Variants in TMCO6 observed in about 807,000 individuals in gnomAD.
TMCO6 encodes the protein transmembrane and coiled-coil domain-containing protein 6.
Under a neutral mutation model 61.8 loss-of-function variants are expected in TMCO6, and 47 were observed. The ratio of observed to expected loss-of-function variants is 0.76; its 90% CI spans 0.60 to 0.97. TMCO6 has a LOEUF of 0.97. TMCO6 is among the 50% of genes least tolerant of loss of function. TMCO6 has a pLI of 0.00. For missense variants in TMCO6, 557 were observed against 601.6 expected, an observed-to-expected ratio of 0.93 and a Z score of 0.78; for synonymous variants, 261 against 254.2, an observed-to-expected ratio of 1.03 and a Z score of -0.25.
At chr5:140,607,066 C>T in the TMCO6 span, among the ~76,000 whole-genome samples, 1 of 151,534 alleles carries the variant, frequency 6.6e-6, no homozygotes, top group Non-Finnish European at 1.5e-5. Flanking sequence ...GCTATTTTGG[C>T]CATTTTTAAG....
chr5:140,639,640 T>A (rs1219807559), intron 1 of TMCO6, 28 bp downstream of exon 1: 6 of 1,537,326 alleles, frequency 3.9e-6, no homozygotes, highest in Non-Finnish European at 5.3e-6. Context: ...AGCGCGGGGG[T>A]ATATGGCGGT....
At chr5:140,603,227 T>C in the TMCO6 span, among the ~76,000 whole-genome samples, 1 of 152,192 alleles carries the variant, frequency 6.6e-6, no homozygotes, top group African/African-American at 2.4e-5. Flanking sequence ...TTGCCTATTC[T>C]GGATATATTA....
the TMCO6 span, among the ~76,000 whole-genome samples, chr5:140,603,027 CAAA>C: frequency 1.4e-5 from 2 of 142,538 alleles, no homozygotes; most frequent in Non-Finnish European, 3.1e-5. Flanking sequence ...AATTCTGTCT[CAAA>C]AAAAAAAAAG....
chr5:140,636,513 T>G (rs750735346), upstream of TMCO6, among the ~76,000 whole-genome samples: 8 of 151,156 alleles, frequency 5.3e-5, no homozygotes, highest in Admixed American at 3.9e-4. Context: ...AAAGTTTTTC[T>G]TGGGGAAATA....
the TMCO6 span, among the ~76,000 whole-genome samples, chr5:140,617,746 A>C: frequency 1.4e-4 from 11 of 76,692 alleles, no homozygotes; most frequent in Non-Finnish European, 2.6e-4. Flanking sequence ...AAAAAAAAAA[A>C]AACTCAAGGT....
chr5:140,630,316 A>C, the TMCO6 span, among the ~76,000 whole-genome samples: 1 of 149,404 alleles, frequency 6.7e-6, no homozygotes, highest in Non-Finnish European at 1.5e-5. Context: ...TTTAAAAAAA[A>C]TTTTTTTTTT....
At chr5:140,613,386 T>TAAAAAAAA in the TMCO6 span, among the ~76,000 whole-genome samples, 232 of 87,430 alleles carry the variant, frequency 2.7e-3, 16 homozygotes, top group African/African-American at 8.4e-3. Context: ...AGACTCTGAC[T>TAAAAAAAA]AAAAAAAAAA....
At chr5:140,634,482 C>CT (rs1221427030), upstream of TMCO6, among the ~76,000 whole-genome samples, 25,399 of 110,858 alleles carry the variant, frequency 0.23, 3,388 homozygotes, top group African/African-American at 0.29. Context: ...ATATGAAAGT[C>CT]TTTTTTTTTT....
intron 2 of TMCO6, among the ~76,000 whole-genome samples, chr5:140,640,171 A>AC (rs1756929282): frequency 6.6e-6 from 1 of 152,122 alleles, no homozygotes; most frequent in Non-Finnish European, 1.5e-5. Context: ...TATGCTTGTC[A>AC]CCGTCACTAC....
chr5:140,615,551 A>G, the TMCO6 span, among the ~76,000 whole-genome samples: 1 of 152,212 alleles, frequency 6.6e-6, no homozygotes, highest in African/African-American at 2.4e-5. Flanking sequence ...ACTTATCACA[A>G]AGTTGCAGTA....
chr5:140,621,463 T>C, the TMCO6 span, among the ~76,000 whole-genome samples: 1 of 152,188 alleles, frequency 6.6e-6, no homozygotes, highest in South Asian at 2.1e-4. Flanking sequence ...CCTATGCCTG[T>C]CTTTACTTTA....
the TMCO6 span, among the ~76,000 whole-genome samples, chr5:140,623,738 A>G: frequency 6.6e-6 from 1 of 152,156 alleles, no homozygotes; most frequent in Non-Finnish European, 1.5e-5. Flanking sequence ...TTGAATTTTT[A>G]TACTTAAAAC....
At chr5:140,641,311 A>C (rs1404633669) in intron 2 of TMCO6, 3 of 200,970 alleles carry the variant, frequency 1.5e-5, no homozygotes, top group Non-Finnish European at 3.1e-5. Flanking sequence ...TTGTTGTTAG[A>C]GTGTAGGTTG....
At chr5:140,644,454 AT>A in intron 10 of TMCO6, 118 bp from the exon 11 acceptor site, 1 of 1,205,220 alleles carries the variant, frequency 8.3e-7, no homozygotes, top group South Asian at 1.4e-5. Flanking sequence ...GTATGAGAAC[AT>A]GTATGTAGAA....
Position 140,642,326 on chromosome 5 carries a change from G to A in TMCO6, c.510G>A (p.Leu170=), listed in dbSNP as rs761618339. The A allele has an allele frequency of 6.2e-7, 1 of 1,612,756 alleles. No homozygotes were observed. Among genetic ancestry groups the A allele is most frequent in the Admixed American group, 1.7e-5 (1 of 59,856 alleles). The change falls in exon 5 of 12, where the codon CTG becomes CTA. Residue 170 remains leucine, a synonymous_variant. Coordinates refer to ENST00000394671, the MANE Select transcript of TMCO6 (RefSeq NM_018502.5). ...TTGCCTGTTCTCAGGAGCTGTGTCT[G>A]TATACACTGGGTAACCTGATCGTGG... ...SHSSDFIELC[L]YTLGNLIVES...
the TMCO6 span, among the ~76,000 whole-genome samples, chr5:140,627,663 TAGAC>T: frequency 2.0e-5 from 3 of 152,074 alleles, no homozygotes; most frequent in East Asian, 1.9e-4. Context: ...CATATGTAAA[TAGAC>T]AGACAGAAGA....
chr5:140,647,422 G>A, downstream of TMCO6: 1 of 1,609,814 alleles, frequency 6.2e-7, no homozygotes, highest in Non-Finnish European at 8.5e-7. Context: ...CAACTTCAGG[G>A]AGGTCGAGGT....
At chr5:140,646,047 G>A (rs536368156), downstream of TMCO6, among the ~76,000 whole-genome samples, 1 of 136,668 alleles carries the variant, frequency 7.3e-6, no homozygotes, top group South Asian at 2.3e-4. Context: ...GTCTCGCTCT[G>A]TCACCCAGGC....
the TMCO6 span, among the ~76,000 whole-genome samples, chr5:140,622,739 AAAAG>A: frequency 7.2e-6 from 1 of 138,574 alleles, no homozygotes; most frequent in East Asian, 2.0e-4. Context: ...AAAAAAAAAA[AAAAG>A]AAAGAAAAAA....
Sources: gnomAD v4.1 joint callset for allele counts (sites outside exome capture counted in the v4.1 genomes callset) on GRCh38, gnomAD v4.1.1 for gene constraint, MANE v1.5 for transcripts, NCBI Gene and HGNC (gene_info 2026-07-23, HGNC 2026-07-21) for gene names.